The following MLEC variants were observed in gnomAD, a reference collection of about 807,000 sequenced individuals.
MLEC encodes malectin.
Under a neutral mutation model 28.7 loss-of-function variants are expected in MLEC, and 7 were observed. The observed-to-expected ratio is 0.24, with a 90% CI of 0.14 to 0.46. MLEC has a LOEUF of 0.46. Ranked by LOEUF, MLEC falls within the 20% of genes least tolerant of loss-of-function variation. The pLI is 0.99. For missense variants in MLEC, 237 were observed against 391.1 expected, an observed-to-expected ratio of 0.61 and a Z score of 3.32; for synonymous variants, 142 against 164.4, an observed-to-expected ratio of 0.86 and a Z score of 1.04.
chr12:120,688,968 G>A (rs1881933520), intron 1 of MLEC, among the ~76,000 whole-genome samples: 1 of 152,186 alleles, frequency 6.6e-6, no homozygotes, highest in Non-Finnish European at 1.5e-5. Flanking sequence ...GTGTGGGCAG[G>A]GAGGAAAGAG....
Position 120,696,650 on chromosome 12 carries a change from G to A in MLEC, c.*105G>A. Reference sequence around the variant, plus strand: ...ACAATGATTAATGAACAAAAACAAAGAGAAAAAAACACACATCAATTAAAG... The same window carrying A: ...ACAATGATTAATGAACAAAAACAAAAAGAAAAAAACACACATCAATTAAAG... On this transcript the variant is annotated 3_prime_UTR_variant, in exon 5 of 5. Coordinates refer to ENST00000228506, the MANE Select transcript of MLEC (RefSeq NM_014730.4). This position sits in a 1 kb window ranked among gnomAD's most constrained non-coding sequence, Gnocchi z 5.4. 5 of 1,503,952 alleles carry A rather than the reference G, an allele frequency of 3.3e-6. No homozygotes were observed. In the Admixed American group the frequency reaches 6.5e-5, roughly 19 times the overall value. The allele number at this position is 1,503,952 out of a possible 1,614,324, so 93.2% of individuals were successfully genotyped here.
chr12:120,695,905 T>C lies in MLEC; in HGVS notation c.650-411T>C, dbSNP rs184945770. On this transcript the variant is annotated intron_variant, in intron 4 of 4. Coordinates refer to ENST00000228506, the MANE Select transcript of MLEC (RefSeq NM_014730.4). Reference sequence around the variant, plus strand: ...AGGAGGAGGCAGGACAGAGGGATAGTGTGTGCTGGGAACCCAGAACTCTCT... The same window carrying C: ...AGGAGGAGGCAGGACAGAGGGATAGCGTGTGCTGGGAACCCAGAACTCTCT... Among the ~76,000 whole-genome samples the C allele has an allele frequency of 1.9e-3, 284 of 152,316 alleles. 1 individual carries two copies. The highest frequency in any genetic ancestry group is 6.2e-3 in the African/African-American group (257 of 41,562).
chr12:120,695,937 A>G (rs1882213097), intron 4 of MLEC, among the ~76,000 whole-genome samples: 2 of 152,190 alleles, frequency 1.3e-5, no homozygotes, highest in Admixed American at 6.5e-5. Context: ...CTCTGGGTCA[A>G]CGTTTCTTCA....
In MLEC at chr12:120,687,393, G is replaced by C. The variant is rs1190325753; in HGVS notation, c.97G>C (p.Val33Leu). ...PPAIRGPGLG[V>L]AGVAGAAGAG... ...GGCGATCCGGGGACCCGGGCTCGGC[G>C]TGGCCGGCGTGGCCGGCGCGGCGGG... The change falls in exon 1 of 5, where the codon GTG becomes CTG. Residue 33 changes from valine to leucine, a missense_variant. By Grantham distance (32) the Val-to-Leu change is conservative. Transcript: ENST00000228506. The surrounding 1 kb of genome is among the most constrained non-coding windows in gnomAD (Gnocchi z 8.1). The C allele has an allele frequency of 7.3e-7, 1 of 1,373,074 alleles. No homozygotes were observed. Among genetic ancestry groups the C allele is most frequent in the East Asian group, 2.9e-5 (1 of 34,638 alleles). The allele number at this position is 1,373,074 out of a possible 1,614,324, so 85.1% of individuals were successfully genotyped here. A position where few individuals can be genotyped will look rare whatever the true frequency, so the allele number is the denominator to read the frequency against.
In MLEC at chr12:120,694,857, G is replaced by T. The variant is rs1882169525; in HGVS notation, c.448G>T (p.Val150Leu). 4 of 1,613,798 alleles carry T rather than the reference G, an allele frequency of 2.5e-6. No individual in the cohort carries two copies. Among genetic ancestry groups the T allele is most frequent in the Non-Finnish European group, 2.5e-6 (3 of 1,179,800 alleles). ...FDVRLNGHVV[V>L]KDLDIFDRVG... The stretch of plus-strand genomic sequence containing the variant: ...TGTACGATTGAATGGCCACGTCGTG[G>T]TGAAGGACTTGGATATCTTTGATCG... The change falls in exon 3 of 5, where the codon GTG (valine) becomes TTG (leucine). Residue 150 changes from valine to leucine, a missense_variant. Transcript: ENST00000228506. This position sits in a 1 kb window ranked among gnomAD's most constrained non-coding sequence, Gnocchi z 4.5.
Position 120,687,277 on chromosome 12 carries a change from C to A in MLEC, c.-20C>A, listed in dbSNP as rs1039165529. On this transcript the variant is annotated 5_prime_UTR_variant, in exon 1 of 5. Coordinates refer to ENST00000228506, the MANE Select transcript of MLEC (RefSeq NM_014730.4). This position sits in a 1 kb window ranked among gnomAD's most constrained non-coding sequence, Gnocchi z 8.1. ...CGAGGACGAGGGTCGGCGGGGGCTG[C>A]CCCCGTGGTGGTGGCCGCCATGCTG... 1 of 1,367,334 alleles carries A rather than the reference C, an allele frequency of 7.3e-7. No individual in the cohort carries two copies. 84.7% of individuals were successfully genotyped at this position (1,367,334 alleles called of 1,614,324 possible).
In MLEC at chr12:120,696,220, C is replaced by G; in HGVS notation, c.650-96C>G. On this transcript the variant is annotated intron_variant, in intron 4 of 4. Coordinates refer to ENST00000228506, the MANE Select transcript of MLEC (RefSeq NM_014730.4). The surrounding 1 kb of genome is among the most constrained non-coding windows in gnomAD (Gnocchi z 5.4). ...TCTTTTCTCTGGACCCGGGTTCAAT[C>G]ACAGCAATCTCTTTATTGTGGCTTA... is the stretch of plus-strand genomic sequence containing the variant. 1 of 1,493,572 alleles carries G rather than the reference C, an allele frequency of 6.7e-7. No individual in the cohort carries two copies. Among genetic ancestry groups the G allele is most frequent in the South Asian group, 1.3e-5 (1 of 76,114 alleles). 92.5% of individuals were successfully genotyped at this position (1,493,572 alleles called of 1,614,324 possible). A position where few individuals can be genotyped will look rare whatever the true frequency, so the allele number is the denominator to read the frequency against.
Position 120,698,168 on chromosome 12 carries a change from C to T in MLEC, c.*1623C>T. ...GGAGCAGTCAATATAGGATCTCAGG[C>T]CAGGCCCGCTTTTCTAGAATGTGTT... On this transcript the variant is annotated 3_prime_UTR_variant, in exon 5 of 5. Transcript: ENST00000228506. The T allele has an allele frequency of 6.6e-6, 1 of 152,138 alleles. No homozygotes were observed. The highest frequency in any genetic ancestry group is 1.9e-4 in the East Asian group (1 of 5,198). The allele number at this position is 152,138 out of a possible 1,614,324, so 9.4% of individuals were successfully genotyped here. A position where few individuals can be genotyped will look rare whatever the true frequency, so the allele number is the denominator to read the frequency against.
Position 120,696,469 on chromosome 12 carries a change from A to G in MLEC, c.803A>G (p.Asn268Ser), listed in dbSNP as rs757591701. 4.4e-5 allele frequency: 71 copies of G among 1,614,054 alleles called. No individual in the cohort carries two copies. Among genetic ancestry groups the G allele is most frequent in the Non-Finnish European group, 5.2e-5 (61 of 1,180,030 alleles). The change falls in exon 5 of 5, where the codon AAC (asparagine) becomes AGC (serine). Residue 268 changes from asparagine (N) to serine (S), a missense_variant. By Grantham distance (46) the Asn-to-Ser change is conservative. Coordinates refer to ENST00000228506, the MANE Select transcript of MLEC (RefSeq NM_014730.4). This position sits in a 1 kb window ranked among gnomAD's most constrained non-coding sequence, Gnocchi z 5.4. ...PRTPNPYASDNSSLMFPILVA... is the reference protein window; with the variant it reads ...PRTPNPYASDSSSLMFPILVA... Reference sequence around the variant, plus strand: ...ACACCCAACCCCTATGCCTCGGACAACAGCAGCCTCATGTTTCCCATCCTG... The same window carrying G: ...ACACCCAACCCCTATGCCTCGGACAGCAGCAGCCTCATGTTTCCCATCCTG...
Position 120,696,766 on chromosome 12 carries a change from G to A in MLEC, c.*221G>A. 1.6e-6 allele frequency: 1 copy of A among 623,136 alleles called. No individual in the cohort carries two copies. The highest frequency in any genetic ancestry group is 2.7e-6 in the Non-Finnish European group (1 of 368,614). 38.6% of individuals were successfully genotyped at this position (623,136 alleles called of 1,614,324 possible). On this transcript the variant is annotated 3_prime_UTR_variant, in exon 5 of 5. Coordinates refer to ENST00000228506, the MANE Select transcript of MLEC (RefSeq NM_014730.4). This position sits in a 1 kb window ranked among gnomAD's most constrained non-coding sequence, Gnocchi z 5.4. The stretch of plus-strand genomic sequence containing the variant: ...CAGTCCTCGTCCTCTCTTTGTGGCT[G>A]GCTCCCAGCCTTCTCTTTCCTCTTG...
In MLEC at chr12:120,698,695, G is replaced by A. The variant is rs895885915; in HGVS notation, c.*2150G>A. 6.5e-6 allele frequency: 1 copy of A among 152,674 alleles called. No homozygotes were observed. Among genetic ancestry groups the A allele is most frequent in the Non-Finnish European group, 1.5e-5 (1 of 68,076 alleles). The allele number at this position is 152,674 out of a possible 1,614,324, so 9.5% of individuals were successfully genotyped here. ...GTTTGCCTGGGTCTGTCTGAGGAAG[G>A]AGGGGGTCCCGCCTTCCACCTCAAC... On this transcript the variant is annotated 3_prime_UTR_variant, in exon 5 of 5. Transcript: ENST00000228506.
rs913771044 is a variant in MLEC, at chr12:120,694,684, C to T, written c.415-140C>T. The T allele has an allele frequency of 1.2e-6, 1 of 822,462 alleles. No homozygotes were observed. The allele number at this position is 822,462 out of a possible 1,614,324, so 50.9% of individuals were successfully genotyped here. ...TTTGATTTGACCCGGGTTAAGGATG[C>T]TAACCACCCTGGATATCCAGACCCA... is the stretch of plus-strand genomic sequence containing the variant. On this transcript the variant is annotated intron_variant, in intron 2 of 4. Coordinates refer to ENST00000228506, the MANE Select transcript of MLEC (RefSeq NM_014730.4). This position sits in a 1 kb window ranked among gnomAD's most constrained non-coding sequence, Gnocchi z 4.5.
At chr12:120,693,367 G>A (rs1257751644) in intron 1 of MLEC, among the ~76,000 whole-genome samples, 1 of 152,228 alleles carries the variant, frequency 6.6e-6, no homozygotes, top group Non-Finnish European at 1.5e-5. Flanking sequence ...AGGCACTGGA[G>A]GTGCAGTGGT....
rs181156410 is a variant in MLEC, at chr12:120,696,938, C to T, written c.*393C>T. 26 of 204,938 alleles carry T rather than the reference C, an allele frequency of 1.3e-4. No individual in the cohort carries two copies. The highest frequency in any genetic ancestry group is 2.3e-4 in the Non-Finnish European group (23 of 100,342). 12.7% of individuals were successfully genotyped at this position (204,938 alleles called of 1,614,324 possible). A position where few individuals can be genotyped will look rare whatever the true frequency, so the allele number is the denominator to read the frequency against. The stretch of plus-strand genomic sequence containing the variant: ...GGAAATGCCATCTTATTACCTGAGA[C>T]GACCAGCACTGGGAGTTAGGTACGG... On this transcript the variant is annotated 3_prime_UTR_variant, in exon 5 of 5. Transcript: ENST00000228506. This position sits in a 1 kb window ranked among gnomAD's most constrained non-coding sequence, Gnocchi z 5.4.
chr12:120,691,474 A>G (rs1002941647), intron 1 of MLEC, among the ~76,000 whole-genome samples: 1 of 152,246 alleles, frequency 6.6e-6, no homozygotes, highest in East Asian at 1.9e-4. Context: ...TAGTTACTAC[A>G]TTGTCTAAAA....
Position 120,687,582 on chromosome 12 carries a change from G to A in MLEC, c.235+51G>A. The A allele has an allele frequency of 7.3e-7, 1 of 1,374,970 alleles. No homozygotes were observed. Among genetic ancestry groups the A allele is most frequent in the Non-Finnish European group, 9.6e-7 (1 of 1,041,542 alleles). The allele number at this position is 1,374,970 out of a possible 1,614,324, so 85.2% of individuals were successfully genotyped here. A position where few individuals can be genotyped will look rare whatever the true frequency, so the allele number is the denominator to read the frequency against. ...GGATCCAGGGCCTGCTGTGCTGGGC[G>A]CAGCCGGCCGGGGGCTGCGGGCCCC... On this transcript the variant is annotated intron_variant, in intron 1 of 4. Transcript: ENST00000228506. This position sits in a 1 kb window ranked among gnomAD's most constrained non-coding sequence, Gnocchi z 8.1.
At position 120,695,165 on chromosome 12, in the gene MLEC, C is replaced by T. The variant is rs201061093; in HGVS notation, c.649+13C>T. The T allele has an allele frequency of 3.7e-5, 59 of 1,614,116 alleles. No individual in the cohort carries two copies. In the East Asian group the frequency reaches 1.3e-3, roughly 35 times the overall value. ...GGGACAGTGGATGGTAGGTTGTGTT[C>T]TGACCTGCTTTTTTGACTTGAGTGG... On this transcript the variant is annotated intron_variant, in intron 4 of 4. Coordinates refer to ENST00000228506, the MANE Select transcript of MLEC (RefSeq NM_014730.4).
chr12:120,695,304 C>G, intron 4 of MLEC, 152 bp downstream of exon 4: 1 of 836,766 alleles, frequency 1.2e-6, no homozygotes, highest in Non-Finnish European at 2.0e-6. Context: ...TGAAGCATAA[C>G]ATGGTACTAG....
chr12:120,687,581 C>A lies in MLEC; in HGVS notation c.235+50C>A. ...GGGATCCAGGGCCTGCTGTGCTGGG[C>A]GCAGCCGGCCGGGGGCTGCGGGCCC... On this transcript the variant is annotated intron_variant, in intron 1 of 4. Coordinates refer to ENST00000228506, the MANE Select transcript of MLEC (RefSeq NM_014730.4). This position sits in a 1 kb window ranked among gnomAD's most constrained non-coding sequence, Gnocchi z 8.1. The A allele has an allele frequency of 7.2e-7, 1 of 1,381,770 alleles. No individual in the cohort carries two copies. The highest frequency in any genetic ancestry group is 1.6e-5 in the South Asian group (1 of 63,454). 85.6% of individuals were successfully genotyped at this position (1,381,770 alleles called of 1,614,324 possible).
Sources: gnomAD v4.1 joint callset for allele counts (sites outside exome capture counted in the v4.1 genomes callset) on GRCh38, gnomAD v4.1.1 for gene constraint, Gnocchi (gnomAD v3.1) non-coding constraint, MANE v1.5 for transcripts, NCBI Gene and HGNC (gene_info 2026-07-23, HGNC 2026-07-21) for gene names.